SPMIP2: variants seen among roughly 807,000 people sequenced by gnomAD.
SPMIP2 encodes the protein protein SPMIP2.
chr4:159,015,242 T>C, the SPMIP2 span, among the ~76,000 whole-genome samples: 1 of 152,174 alleles, frequency 6.6e-6, no homozygotes, highest in Non-Finnish European at 1.5e-5. Context: ...TAAATATTTG[T>C]GAATAAATGA....
the SPMIP2 span, among the ~76,000 whole-genome samples, chr4:158,986,839 C>G: frequency 6.8e-6 from 1 of 147,140 alleles, no homozygotes; most frequent in Non-Finnish European, 1.5e-5. Context: ...TCAGAGCGAA[C>G]AGGCAACCTA....
the SPMIP2 span, among the ~76,000 whole-genome samples, chr4:159,009,951 G>A: frequency 2.6e-5 from 4 of 152,074 alleles, no homozygotes; most frequent in South Asian, 2.1e-4. Context: ...TTTTGATTGC[G>A]CCATTGTGCT....
chr4:159,020,642 T>C, the SPMIP2 span, among the ~76,000 whole-genome samples: 8 of 152,214 alleles, frequency 5.3e-5, no homozygotes, highest in Admixed American at 4.6e-4. Flanking sequence ...CTTTAACAGA[T>C]GGTCCTTAAT....
the SPMIP2 span, among the ~76,000 whole-genome samples, chr4:158,971,930 A>G: frequency 6.6e-6 from 1 of 152,212 alleles, no homozygotes; most frequent in East Asian, 1.9e-4. Flanking sequence ...GAATACTGCC[A>G]TGTAGAAGAG....
At chr4:159,022,174 G>A in the SPMIP2 span, among the ~76,000 whole-genome samples, 6 of 152,192 alleles carry the variant, frequency 3.9e-5, no homozygotes, top group Admixed American at 2.0e-4. Flanking sequence ...AATGAACACA[G>A]AATTTATGTA....
chr4:158,919,325 C>T, the SPMIP2 span, among the ~76,000 whole-genome samples: 106,938 of 152,144 alleles, frequency 0.7, 38,283 homozygotes, highest in East Asian at 0.95. Context: ...TTCAGAATCA[C>T]GTGTTACATT....
chr4:159,035,572 C>T, the SPMIP2 span, among the ~76,000 whole-genome samples: 9 of 152,112 alleles, frequency 5.9e-5, no homozygotes, highest in African/African-American at 2.2e-4. Flanking sequence ...TAAAAAATAA[C>T]ATTAATAAAT....
At chr4:159,004,013 T>G in the SPMIP2 span, among the ~76,000 whole-genome samples, 2 of 152,066 alleles carry the variant, frequency 1.3e-5, no homozygotes, top group South Asian at 2.1e-4. Flanking sequence ...GGGTTTTTTT[T>G]GTTGTTGTTT....
the SPMIP2 span, among the ~76,000 whole-genome samples, chr4:158,947,060 A>G: frequency 1.3e-5 from 2 of 152,112 alleles, no homozygotes; most frequent in Non-Finnish European, 2.9e-5. Context: ...TGAGGGAGGG[A>G]GGAATAGGCT....
At chr4:159,017,356 T>TACACACACACACAC in the SPMIP2 span, among the ~76,000 whole-genome samples, 2,101 of 149,392 alleles carry the variant, frequency 0.014, 48 homozygotes, top group African/African-American at 0.045. Flanking sequence ...CACAAACACA[T>TACACACACACACAC]ACACACACAC....
chr4:158,986,500 T>C, the SPMIP2 span, among the ~76,000 whole-genome samples: 1 of 130,128 alleles, frequency 7.7e-6, no homozygotes, highest in South Asian at 2.5e-4. Flanking sequence ...AGCTATCTGA[T>C]CTTTGACAAA....
the SPMIP2 span, among the ~76,000 whole-genome samples, chr4:159,017,106 A>AC: frequency 2.6e-5 from 4 of 152,178 alleles, no homozygotes; most frequent in African/African-American, 9.6e-5. Context: ...AGTAGTAGAG[A>AC]AATGTTAGAT....
chr4:158,985,801 A>G, the SPMIP2 span, among the ~76,000 whole-genome samples: 1 of 152,184 alleles, frequency 6.6e-6, no homozygotes, highest in South Asian at 2.1e-4. Context: ...AGGCAGGAGA[A>G]AGAAATAAAG....
the SPMIP2 span, among the ~76,000 whole-genome samples, chr4:158,918,098 T>A: frequency 6.6e-6 from 1 of 152,198 alleles, no homozygotes; most frequent in South Asian, 2.1e-4. Context: ...TCAGTGCTCC[T>A]TAAAAGGCCC....
chr4:158,982,421 A>G, the SPMIP2 span, among the ~76,000 whole-genome samples: 1 of 152,226 alleles, frequency 6.6e-6, no homozygotes, highest in African/African-American at 2.4e-5. Context: ...TAGAATATAC[A>G]TTCTTCTCAG....
chr4:159,024,061 C>T, the SPMIP2 span, among the ~76,000 whole-genome samples: 3 of 152,196 alleles, frequency 2.0e-5, no homozygotes, highest in Admixed American at 2.0e-4. Context: ...ACCCTTACTA[C>T]AGAGCAGGGG....
the SPMIP2 span, chr4:158,905,878 G>A: frequency 1.3e-5 from 2 of 152,198 alleles, no homozygotes; most frequent in Non-Finnish European, 2.9e-5. Context: ...ATCTCAAGCA[G>A]TTAACCAGGC....
At chr4:159,014,565 G>C in the SPMIP2 span, among the ~76,000 whole-genome samples, 18 of 152,058 alleles carry the variant, frequency 1.2e-4, no homozygotes, top group African/African-American at 4.3e-4. Context: ...CATTGTGCAG[G>C]TTAGTTACAT....
the SPMIP2 span, among the ~76,000 whole-genome samples, chr4:159,034,612 T>A: frequency 3.9e-5 from 6 of 152,260 alleles, no homozygotes; most frequent in African/African-American, 1.4e-4. Context: ...GTAGGTGGGT[T>A]GGGCATGGTG....
Sources: gnomAD v4.1 joint callset for allele counts (sites outside exome capture counted in the v4.1 genomes callset) on GRCh38, gnomAD v4.1.1 for gene constraint, MANE v1.5 for transcripts, NCBI Gene and HGNC (gene_info 2026-07-23, HGNC 2026-07-21) for gene names.